IRAK2: variants seen among roughly 807,000 people sequenced by gnomAD.
IRAK2 encodes the protein interleukin 1 receptor associated kinase 2, also known as interleukin-1 receptor-associated kinase-like 2.
Under a neutral mutation model 72.0 loss-of-function variants are expected in IRAK2, and 57 were observed. That is an observed-to-expected ratio of 0.79 (90% CI 0.64 to 0.99). The LOEUF is 0.99. IRAK2 is among the 50% of genes least tolerant of loss of function. IRAK2 has a pLI of 0.00. For missense variants in IRAK2, 790 were observed against 794.4 expected (o/e 0.99, Z 0.07); for synonymous variants, 293 against 312.7 (o/e 0.94, Z 0.67).
intron 10 of IRAK2, among the ~76,000 whole-genome samples, chr3:10,230,107 A>C (rs973591778): frequency 6.6e-6 from 1 of 152,196 alleles, no homozygotes; most frequent in African/African-American, 2.4e-5. Context: ...CAAAAAAATA[A>C]AAAAGTAAAT....
chr3:10,173,412 A>G (rs1202906013), intron 1 of IRAK2, among the ~76,000 whole-genome samples: 2 of 152,192 alleles, frequency 1.3e-5, no homozygotes, highest in Admixed American at 6.6e-5. Flanking sequence ...TTGTTTCCCA[A>G]ATATTCTACG....
At chr3:10,214,053 C>G (rs529753446) in intron 6 of IRAK2, among the ~76,000 whole-genome samples, 3 of 151,946 alleles carry the variant, frequency 2.0e-5, no homozygotes, top group African/African-American at 7.3e-5. Context: ...CTTAGCCTCC[C>G]GAGTAGCTGG....
chr3:10,203,499 C>T (rs1216683046), intron 3 of IRAK2, among the ~76,000 whole-genome samples: 1 of 152,222 alleles, frequency 6.6e-6, no homozygotes, highest in African/African-American at 2.4e-5. Flanking sequence ...AGAGTTCAAA[C>T]TCATCAATTA....
At chr3:10,203,295 C>T (rs1392666719) in intron 3 of IRAK2, among the ~76,000 whole-genome samples, 4 of 152,190 alleles carry the variant, frequency 2.6e-5, no homozygotes, top group Admixed American at 6.5e-5. Flanking sequence ...CTGCACCCAG[C>T]CCCTATTTGC....
chr3:10,180,241 C>G (rs2125143592), intron 2 of IRAK2, among the ~76,000 whole-genome samples: 1 of 152,164 alleles, frequency 6.6e-6, no homozygotes, highest in East Asian at 1.9e-4. Context: ...GGGCAGGGAG[C>G]CAGTCTTCTG....
intron 2 of IRAK2, among the ~76,000 whole-genome samples, chr3:10,197,709 G>A (rs1184661593): frequency 1.3e-5 from 2 of 150,450 alleles, no homozygotes; most frequent in South Asian, 2.1e-4. Context: ...AAAATTAGCC[G>A]GGTGTGGTGG....
At chr3:10,217,158 AC>A in intron 7 of IRAK2, 110 bp downstream of exon 7, 1 of 736,824 alleles carries the variant, frequency 1.4e-6, no homozygotes, top group Non-Finnish European at 2.4e-6. Flanking sequence ...TCTAGGTGAG[AC>A]CAGGGAGACT....
At chr3:10,230,497 T>G (rs778041) in intron 10 of IRAK2, among the ~76,000 whole-genome samples, 106,842 of 151,946 alleles carry the variant, frequency 0.7, 38,092 homozygotes, top group East Asian at 0.99. Context: ...ATCTGACAGG[T>G]TTATTGAAGG....
chr3:10,185,393 A>C (rs2125145723), intron 2 of IRAK2, among the ~76,000 whole-genome samples: 1 of 150,560 alleles, frequency 6.6e-6, no homozygotes, highest in African/African-American at 2.5e-5. Context: ...CCCTGTCTCT[A>C]CTAAAAACAC....
At position 10,164,937 on chromosome 3, in the gene IRAK2, C is replaced by T. The variant is rs1160740007; in HGVS notation, c.-18C>T. The T allele has an allele frequency of 9.4e-6, 15 of 1,589,160 alleles. No individual in the cohort carries two copies. The highest frequency in any genetic ancestry group is 3.5e-5 in the Admixed American group (2 of 57,616). On this transcript the variant is annotated 5_prime_UTR_variant, in exon 1 of 13. Coordinates refer to ENST00000256458, the MANE Select transcript of IRAK2 (RefSeq NM_001570.4). ...CCGACCCAGTCGTCCCGCGCCGGAGCCGGCCCCGTAGCGTGCCATGGCCTG... is the reference window on the plus strand; with the variant it reads ...CCGACCCAGTCGTCCCGCGCCGGAGTCGGCCCCGTAGCGTGCCATGGCCTG...
At chr3:10,170,529 G>A (rs781430526) in intron 1 of IRAK2, among the ~76,000 whole-genome samples, 3 of 152,082 alleles carry the variant, frequency 2.0e-5, no homozygotes, top group African/African-American at 4.8e-5. Flanking sequence ...GCCCATCACC[G>A]TGTTTCATTT....
intron 12 of IRAK2, 84 bp from the exon 13 acceptor site, chr3:10,242,032 A>G (rs796552): frequency 0.68 from 508,392 of 744,274 alleles, 179,110 homozygotes; most frequent in East Asian, 0.99. Context: ...CCTGATTCAG[A>G]AACCTGATTT....
At chr3:10,166,036 C>G (rs1303314784) in intron 1 of IRAK2, among the ~76,000 whole-genome samples, 1 of 152,084 alleles carries the variant, frequency 6.6e-6, no homozygotes, top group Non-Finnish European at 1.5e-5. Flanking sequence ...GCCTCCGGAA[C>G]TCTTGATCTC....
rs1394188854 is a variant in IRAK2 at position 10,185,637 on chromosome 3, G to A, written c.277+7617G>A. On this transcript the variant is annotated intron_variant, in intron 2 of 12. Coordinates refer to ENST00000256458, the MANE Select transcript of IRAK2 (RefSeq NM_001570.4). ...CACCTGTAATCCCAACACTTTGTGA[G>A]GCTGAGGTGGGTGGATCACTTGAGG... Among the ~76,000 whole-genome samples the A allele has an allele frequency of 4.6e-4, 70 of 150,642 alleles. 2 individuals carry two copies. Among genetic ancestry groups the A allele is most frequent in the Admixed American group, 4.6e-3 (70 of 15,166 alleles).
chr3:10,190,638 A>G (rs1322721951), intron 2 of IRAK2, among the ~76,000 whole-genome samples: 1 of 152,160 alleles, frequency 6.6e-6, no homozygotes, highest in Non-Finnish European at 1.5e-5. Context: ...GAAGGGTAAG[A>G]GCTAGGGTGA....
chr3:10,209,671 C>T lies in IRAK2; in HGVS notation c.507C>T (p.Leu169=), dbSNP rs1697488140. The change falls in exon 4 of 13, where the codon CTC becomes CTT. Residue 169 remains leucine (L), a synonymous_variant. Transcript: ENST00000256458. ...EDAPHSLRSD[L]PTSSDSKDFS... ...CCCCTCATTCCTTGAGAAGCGACCT[C>T]CCCACTTCGTCTGATTCAAAGGTAA... is the stretch of plus-strand genomic sequence containing the variant. 1 of 1,544,112 alleles carries T rather than the reference C, an allele frequency of 6.5e-7. No homozygotes were observed. Among genetic ancestry groups the T allele is most frequent in the Admixed American group, 2.1e-5 (1 of 48,306 alleles).
intron 2 of IRAK2, among the ~76,000 whole-genome samples, chr3:10,182,200 C>T (rs1420545399): frequency 6.6e-6 from 1 of 152,036 alleles, no homozygotes; most frequent in African/African-American, 2.4e-5. Context: ...AACTCCTGAC[C>T]CGAGGTGATC....
chr3:10,184,730 T>G (rs1697020029), intron 2 of IRAK2, among the ~76,000 whole-genome samples: 2 of 55,478 alleles, frequency 3.6e-5, no homozygotes, highest in Non-Finnish European at 9.0e-5. Context: ...TGTGTTTTTT[T>G]TTTTTTTTTT....
intron 1 of IRAK2, among the ~76,000 whole-genome samples, chr3:10,165,256 G>A (rs554343038): frequency 6.6e-6 from 1 of 152,174 alleles, no homozygotes; most frequent in South Asian, 2.1e-4. Context: ...GTCTGTCGAC[G>A]AGCAGGGGCC....
Sources: allele counts gnomAD v4.1 joint callset (sites outside exome capture counted in the v4.1 genomes callset), GRCh38; gene constraint gnomAD v4.1.1; transcripts MANE v1.5; gene names NCBI Gene and HGNC (gene_info 2026-07-23, HGNC 2026-07-21).